Variants in RIT2 observed in about 807,000 individuals in gnomAD.
RIT2 encodes the protein GTP-binding protein Rit2.
A neutral mutation model predicts 23.7 loss-of-function variants in RIT2; 24 were observed. The observed-to-expected ratio is 1.01, with a 90% CI of 0.73 to 1.43. The LOEUF is 1.43. Ranked by LOEUF, RIT2 falls within the 40% of genes most tolerant of loss-of-function variation. The pLI is 0.00. For missense variants in RIT2, 236 were observed against 266.9 expected, an observed-to-expected ratio of 0.88 and a Z score of 0.81; for synonymous variants, 107 against 91.1, an observed-to-expected ratio of 1.17 and a Z score of -0.99.
intron 4 of RIT2, among the ~76,000 whole-genome samples, chr18:42,757,362 T>C (rs1214896380): frequency 6.6e-6 from 1 of 152,204 alleles, no homozygotes; most frequent in African/African-American, 2.4e-5. Flanking sequence ...GAATGGAATC[T>C]AGGGACCAGA....
chr18:42,965,955 T>C (rs938999833), intron 3 of RIT2, among the ~76,000 whole-genome samples: 3 of 152,054 alleles, frequency 2.0e-5, no homozygotes, highest in South Asian at 2.1e-4. Flanking sequence ...ATTTCAGAAA[T>C]GATTCATGAG....
chr18:43,058,788 C>T (rs1018641332), intron 1 of RIT2, among the ~76,000 whole-genome samples: 3 of 152,008 alleles, frequency 2.0e-5, no homozygotes, highest in East Asian at 1.9e-4. Flanking sequence ...ACTTGGGAGG[C>T]TGAGGTGGGA....
intron 1 of RIT2, among the ~76,000 whole-genome samples, chr18:43,111,750 G>T (rs1256293989): frequency 2.6e-5 from 4 of 152,042 alleles, no homozygotes; most frequent in Admixed American, 1.3e-4. Flanking sequence ...GTATGGTGCA[G>T]TTTTGATTCA....
At chr18:42,795,508 C>T (rs2143952984) in intron 4 of RIT2, among the ~76,000 whole-genome samples, 1 of 152,352 alleles carries the variant, frequency 6.6e-6, no homozygotes, top group African/African-American at 2.4e-5. Context: ...CATGCTTGAG[C>T]CTCCCACCCC....
At chr18:42,858,940 T>C (rs1031246873) in intron 4 of RIT2, among the ~76,000 whole-genome samples, 1 of 152,220 alleles carries the variant, frequency 6.6e-6, no homozygotes, top group Non-Finnish European at 1.5e-5. Context: ...TTACATTTTG[T>C]TTATTATTTC....
At chr18:42,954,329 C>A (rs1909920886) in intron 3 of RIT2, among the ~76,000 whole-genome samples, 1 of 145,912 alleles carries the variant, frequency 6.9e-6, no homozygotes, top group African/African-American at 2.6e-5. Context: ...TGATCCGAGA[C>A]TGCTCCATTG....
intron 2 of RIT2, among the ~76,000 whole-genome samples, chr18:43,005,999 ATTAAAGT>A (rs1336401872): frequency 1.3e-5 from 2 of 151,760 alleles, no homozygotes; most frequent in Non-Finnish European, 2.9e-5. Flanking sequence ...AAACTATTTA[ATTAAAGT>A]CTTTTTCATA....
At chr18:43,002,930 G>A (rs1173881241) in intron 2 of RIT2, among the ~76,000 whole-genome samples, 2 of 151,950 alleles carry the variant, frequency 1.3e-5, no homozygotes, top group Non-Finnish European at 2.9e-5. Context: ...AGAGGCAGAA[G>A]AGAACAGGGA....
intron 4 of RIT2, among the ~76,000 whole-genome samples, chr18:42,886,935 G>A (rs1245101465): frequency 2.6e-5 from 4 of 152,152 alleles, no homozygotes; most frequent in African/African-American, 9.7e-5. Context: ...CAGGAAGGAT[G>A]ACAGAGTTGA....
intron 1 of RIT2, 47 bp downstream of exon 1, chr18:43,115,370 T>C: frequency 6.2e-7 from 1 of 1,600,384 alleles, no homozygotes; most frequent in South Asian, 1.1e-5. Context: ...TATAGAGTTG[T>C]CTCTATAGAG....
chr18:43,087,398 A>G (rs1198911077), intron 1 of RIT2, among the ~76,000 whole-genome samples: 1 of 152,182 alleles, frequency 6.6e-6, no homozygotes, highest in Non-Finnish European at 1.5e-5. Flanking sequence ...CATTTTATAG[A>G]CATTAATATA....
intron 4 of RIT2, among the ~76,000 whole-genome samples, chr18:42,840,534 C>T (rs534608529): frequency 2.0e-5 from 3 of 150,736 alleles, no homozygotes; most frequent in South Asian, 2.1e-4. Context: ...CGGAGTTTTG[C>T]TCTTGATGCC....
chr18:42,859,481 A>G (rs982480591), intron 4 of RIT2, among the ~76,000 whole-genome samples: 2 of 152,114 alleles, frequency 1.3e-5, no homozygotes, highest in African/African-American at 4.8e-5. Flanking sequence ...GATTTTTCCA[A>G]TATTTTCTTT....
intron 2 of RIT2, among the ~76,000 whole-genome samples, chr18:42,983,041 G>GA (rs1255526512): frequency 1.3e-5 from 2 of 151,924 alleles, no homozygotes; most frequent in East Asian, 1.9e-4. Flanking sequence ...ATAATGAATA[G>GA]AAAGGAATAG....
chr18:43,012,551 A>G (rs1311272051), intron 2 of RIT2, among the ~76,000 whole-genome samples: 1 of 151,366 alleles, frequency 6.6e-6, no homozygotes, highest in African/African-American at 2.4e-5. Context: ...CTGTATTTCT[A>G]CCTTTTCTGA....
At chr18:42,893,864 C>G (rs931283125) in intron 4 of RIT2, among the ~76,000 whole-genome samples, 1 of 152,138 alleles carries the variant, frequency 6.6e-6, no homozygotes, top group African/African-American at 2.4e-5. Context: ...TTAGTTAAAA[C>G]TCATTTTTTT....
At chr18:43,070,502 C>T (rs1912873531) in intron 1 of RIT2, among the ~76,000 whole-genome samples, 1 of 152,132 alleles carries the variant, frequency 6.6e-6, no homozygotes, top group African/African-American at 2.4e-5. Context: ...GTGCTAGAAA[C>T]AAACAGCAAA....
intron 1 of RIT2, among the ~76,000 whole-genome samples, chr18:43,093,527 G>C (rs1913474532): frequency 6.6e-6 from 1 of 151,990 alleles, no homozygotes; most frequent in Non-Finnish European, 1.5e-5. Flanking sequence ...ACTGGAGGTT[G>C]TTGGGAGATT....
chr18:42,854,370 T>G (rs1183500866), intron 4 of RIT2, among the ~76,000 whole-genome samples: 1 of 152,180 alleles, frequency 6.6e-6, no homozygotes, highest in Non-Finnish European at 1.5e-5. Flanking sequence ...AAGCTTATAA[T>G]AAGTAACTAG....
Sources: gnomAD v4.1 joint callset for allele counts (sites outside exome capture counted in the v4.1 genomes callset) on GRCh38, gnomAD v4.1.1 for gene constraint, MANE v1.5 for transcripts, NCBI Gene and HGNC (gene_info 2026-07-23, HGNC 2026-07-21) for gene names.